Variants in CFAP126 observed in about 807,000 individuals in gnomAD.
The protein encoded by CFAP126 is protein Flattop.
CFAP126 carries 21 observed loss-of-function variants against 17.1 expected under a neutral mutation model. That is an observed-to-expected ratio of 1.23 (90% CI 0.87 to 1.77). The LOEUF (loss-of-function observed/expected upper bound fraction) is 1.77. Ranked by LOEUF, CFAP126 falls within the 40% of genes most tolerant of loss-of-function variation. The pLI is 0.00. For missense variants in CFAP126, 174 were observed against 215.4 expected, an observed-to-expected ratio of 0.81 and a Z score of 1.20; for synonymous variants, 65 against 73.5, an observed-to-expected ratio of 0.88 and a Z score of 0.59.
At chr1:161,366,300 T>G (rs528975380) in intron 2 of CFAP126, 22 bp from the exon 3 acceptor site, 24 of 1,603,758 alleles carry the variant, frequency 1.5e-5, no homozygotes, top group South Asian at 6.6e-5. Flanking sequence ...GTGGGAGAGA[T>G]AAAGGTTTGT....
intron 1 of CFAP126, chr1:161,366,715 T>C: frequency 1.8e-6 from 1 of 567,804 alleles, no homozygotes; most frequent in Admixed American, 3.3e-5. Context: ...ACCTGAAATA[T>C]GACTAGTTCA....
rs185368151 is a variant in CFAP126, at chr1:161,365,554, T to C, written c.320A>G (p.Asn107Ser). Residue 107 changes from asparagine (N) to serine (S), a missense_variant, in exon 4 of 5, where the codon AAT becomes AGT. Transcript: ENST00000367974. ...QKNPDLLKAS[N>S]GLCPEILGKP... is the part of the protein sequence containing the mutation. ...GCCTAAGATTTCAGGACACAGCCCATTGGAGGCCTTGAGTAAATCAGGATT... is the reference window on the plus strand; with the variant it reads ...GCCTAAGATTTCAGGACACAGCCCACTGGAGGCCTTGAGTAAATCAGGATT... 270 of 1,614,182 alleles carry C rather than the reference T, an allele frequency of 1.7e-4. 2 individuals are homozygous for C. In the East Asian group the frequency reaches 5.7e-3, roughly 34 times the overall value.
intron 1 of CFAP126, chr1:161,366,892 G>C (rs1435889139): frequency 9.4e-6 from 2 of 212,046 alleles, no homozygotes; most frequent in Non-Finnish European, 1.9e-5. Flanking sequence ...TCCTCCCTCA[G>C]ACTCACAGGT....
intron 1 of CFAP126, 86 bp from the exon 2 acceptor site, chr1:161,366,587 A>G (rs1672738937): frequency 1.6e-6 from 2 of 1,273,874 alleles, no homozygotes; most frequent in Non-Finnish European, 2.3e-6. Flanking sequence ...TTTAGATTTG[A>G]AGACCAAAGG....
chr1:161,366,408 C>A, intron 2 of CFAP126, 31 bp downstream of exon 2: 1 of 1,603,552 alleles, frequency 6.2e-7, no homozygotes, highest in South Asian at 1.1e-5. Context: ...GAGCATGAGG[C>A]TATCTTGTAG....
rs771697041 is a variant in CFAP126 at position 161,365,748 on chromosome 1, A to T, written c.172-46T>A. 2.0e-6 allele frequency: 3 copies of T among 1,485,082 alleles called. No homozygotes were observed. In the South Asian group the frequency reaches 4.0e-5, roughly 20 times the overall value. The allele number at this position is 1,485,082 out of a possible 1,614,324, so 92.0% of individuals were successfully genotyped here. ...CTCAGTAGGGCTTCTCACTCCCAGT[A>T]ACTGACTTAGACCTCTGTATTATTT... is the stretch of plus-strand genomic sequence containing the variant. On this transcript the variant is annotated intron_variant, in intron 3 of 4. Coordinates refer to ENST00000367974, the MANE Select transcript of CFAP126 (RefSeq NM_001013625.4).
In CFAP126 at chr1:161,364,820, T is replaced by A; in HGVS notation, c.*145A>T. ...CTGTTTCACAGTTCTGACTGGGGGC[T>A]CTTGTTTATTTCACTGAGTCGCTAT... On this transcript the variant is annotated 3_prime_UTR_variant, in exon 5 of 5. Coordinates refer to ENST00000367974, the MANE Select transcript of CFAP126 (RefSeq NM_001013625.4). 1.3e-6 allele frequency: 1 copy of A among 781,152 alleles called. No individual in the cohort carries two copies. Among genetic ancestry groups the A allele is most frequent in the Non-Finnish European group, 2.0e-6 (1 of 501,198 alleles). 48.4% of individuals were successfully genotyped at this position (781,152 alleles called of 1,614,324 possible).
At position 161,367,739 on chromosome 1, in the gene CFAP126, C is replaced by A. The variant is rs894330742; in HGVS notation, c.27+103G>T. The A allele has an allele frequency of 4.5e-6, 5 of 1,116,764 alleles. No individual in the cohort carries two copies. In the African/African-American group the frequency reaches 7.7e-5, roughly 17 times the overall value. 69.2% of individuals were successfully genotyped at this position (1,116,764 alleles called of 1,614,324 possible). A position where few individuals can be genotyped will look rare whatever the true frequency, so the allele number is the denominator to read the frequency against. On this transcript the variant is annotated intron_variant, in intron 1 of 4. Transcript: ENST00000367974. ...GTAAAATATTATCTCACTCCACTCT[C>A]AGCTATCTGTTCAAAGATCAGAATC...
intron 2 of CFAP126, 45 bp downstream of exon 2, chr1:161,366,394 G>C (rs1158698173): frequency 1.3e-6 from 2 of 1,588,502 alleles, no homozygotes; most frequent in Non-Finnish European, 1.7e-6. Context: ...TTAATTGACA[G>C]GGAGAGCATG....
intron 4 of CFAP126, 58 bp downstream of exon 4, chr1:161,365,468 T>A: frequency 6.3e-7 from 1 of 1,580,864 alleles, no homozygotes; most frequent in South Asian, 1.1e-5. Context: ...AGACATTTTT[T>A]GAGGTTGAAA....
At chr1:161,366,055 C>G (rs75715534) in intron 3 of CFAP126, 143 bp downstream of exon 3, 20,508 of 739,592 alleles carry the variant, frequency 0.028, 392 homozygotes, top group Non-Finnish European at 0.035. Flanking sequence ...GTAAGCTGGC[C>G]GGAAGTTCAG....
rs770405399 is a variant in CFAP126, at chr1:161,367,852, C to T, written c.17G>A (p.Ser6Asn). 1.6e-5 allele frequency: 26 copies of T among 1,613,958 alleles called. No individual in the cohort carries two copies. The Admixed American group carries it at 3.8e-4, about 24-fold the overall frequency. ...AGAATGGGAACTTACCTGGTTGGCA[C>T]TGTAGTTAGTGGCCATGATCTTGTG... The part of the protein sequence containing the change: MATNY[S>N]ANQYEKAFSS... The change falls in exon 1 of 5, where the codon AGT (serine) becomes AAT (asparagine). Residue 6 changes from serine to asparagine, a missense_variant. By Grantham distance (46) the Ser-to-Asn change is conservative. Transcript: ENST00000367974.
rs1558189323 is a variant in CFAP126 at position 161,366,502 on chromosome 1, CT to C, written c.28-2del. The C allele has an allele frequency of 6.2e-7, 1 of 1,613,850 alleles. No individual in the cohort carries two copies. The highest frequency in any genetic ancestry group is 8.5e-7 in the Non-Finnish European group (1 of 1,179,780). ...ACTTGGATGAGAAAGCCTTTTCATA[CT>C]GTGGAGAGAAAGATAAGTAGCCCTA... is the stretch of plus-strand genomic sequence containing the variant. On this transcript the variant is annotated splice_acceptor_variant, in intron 1 of 4. Coordinates refer to ENST00000367974, the MANE Select transcript of CFAP126 (RefSeq NM_001013625.4). LOFTEE classifies it high-confidence loss of function.
intron 1 of CFAP126, chr1:161,367,284 C>A (rs1039390250): frequency 6.6e-6 from 1 of 152,300 alleles, no homozygotes. Context: ...TGGTCTAGAT[C>A]AGGAGTTGGT....
At chr1:161,365,454 C>A in intron 4 of CFAP126, 72 bp downstream of exon 4, 1 of 1,549,176 alleles carries the variant, frequency 6.5e-7, no homozygotes, top group South Asian at 1.1e-5. Context: ...GGTGGCATAA[C>A]AATAGACATT....
intron 1 of CFAP126, 101 bp from the exon 2 acceptor site, chr1:161,366,602 A>T: frequency 9.5e-7 from 1 of 1,052,604 alleles, no homozygotes; most frequent in Non-Finnish European, 1.5e-6. Flanking sequence ...CAAAGGCCTG[A>T]CCAACCATGT....
intron 1 of CFAP126, 30 bp downstream of exon 1, chr1:161,367,812 A>T: frequency 6.2e-7 from 1 of 1,600,734 alleles, no homozygotes; most frequent in Non-Finnish European, 8.6e-7. Context: ...ACAAAAGTAA[A>T]CGTTAAAGAA....
chr1:161,365,261 T>G, intron 4 of CFAP126, 111 bp from the exon 5 acceptor site: 1 of 1,142,012 alleles, frequency 8.8e-7, no homozygotes, highest in Non-Finnish European at 1.2e-6. Context: ...GGGCAGTAGA[T>G]CAAGTTTCAA....
At chr1:161,365,312 C>G in intron 4 of CFAP126, 162 bp from the exon 5 acceptor site, 1 of 911,574 alleles carries the variant, frequency 1.1e-6, no homozygotes. Flanking sequence ...CACCCTCCCC[C>G]ACCTTGAGAT....
Sources: gnomAD v4.1 joint callset for allele counts on GRCh38, gnomAD v4.1.1 for gene constraint, MANE v1.5 for transcripts, NCBI Gene and HGNC (gene_info 2026-07-23, HGNC 2026-07-21) for gene names.